PRP4K: variants seen among roughly 807,000 people sequenced by gnomAD.
PRP4K encodes pre-mRNA processing factor kinase PRP4K.
chr6:4,053,523 C>T, the PRP4K span, among the ~76,000 whole-genome samples: 1 of 150,316 alleles, frequency 6.7e-6, no homozygotes, highest in East Asian at 2.0e-4. Context: ...CCTTTTGAAA[C>T]CTTAATTCTC....
At chr6:4,049,117 A>G in the PRP4K span, 21 of 1,592,090 alleles carry the variant, frequency 1.3e-5, no homozygotes, top group Non-Finnish European at 1.7e-5. Context: ...GTAAGTTCAC[A>G]TTTTATATTA....
At chr6:4,057,695 T>C in the PRP4K span, among the ~76,000 whole-genome samples, 2 of 152,108 alleles carry the variant, frequency 1.3e-5, no homozygotes, top group Non-Finnish European at 2.9e-5. Context: ...TAGTTTCTGT[T>C]TAACATGAAG....
chr6:4,036,842 A>G, the PRP4K span, among the ~76,000 whole-genome samples: 1 of 151,870 alleles, frequency 6.6e-6, no homozygotes, highest in Non-Finnish European at 1.5e-5. Flanking sequence ...AATATTAGTC[A>G]GGTGTGGTGG....
the PRP4K span, chr6:4,063,182 T>G: frequency 2.0e-5 from 3 of 152,200 alleles, no homozygotes; most frequent in African/African-American, 7.2e-5. Flanking sequence ...TCTAATTTTT[T>G]AGTTTTCAGC....
chr6:4,024,752 A>G, the PRP4K span, among the ~76,000 whole-genome samples: 1 of 152,008 alleles, frequency 6.6e-6, no homozygotes, highest in African/African-American at 2.4e-5. Context: ...ACAGGCACGC[A>G]CCACCATGCC....
chr6:4,049,455 A>T, the PRP4K span: 7 of 481,104 alleles, frequency 1.5e-5, no homozygotes, highest in Non-Finnish European at 2.2e-5. Context: ...GTCATGCGGT[A>T]TTTGTCATGC....
chr6:4,059,433 T>C, the PRP4K span, among the ~76,000 whole-genome samples: 2 of 152,226 alleles, frequency 1.3e-5, no homozygotes, highest in East Asian at 1.9e-4. Context: ...ATGAGCCTTT[T>C]GAAAACTCCC....
At chr6:4,057,148 G>A in the PRP4K span, 1 of 1,613,122 alleles carries the variant, frequency 6.2e-7, no homozygotes, top group Non-Finnish European at 8.5e-7. Flanking sequence ...ACCATATGCT[G>A]AAGCTTGCAA....
At chr6:4,064,611 T>C in the PRP4K span, 1 of 152,460 alleles carries the variant, frequency 6.6e-6, no homozygotes, top group African/African-American at 2.4e-5. Flanking sequence ...AGTATCCTAG[T>C]TCCAGCATAT....
At chr6:4,042,432 T>A in the PRP4K span, 2 of 1,339,840 alleles carry the variant, frequency 1.5e-6, no homozygotes, top group Non-Finnish European at 2.1e-6. Context: ...AACTTTAAAA[T>A]GTATAAGGGG....
the PRP4K span, among the ~76,000 whole-genome samples, chr6:4,052,383 A>G: frequency 1.3e-5 from 2 of 152,142 alleles, no homozygotes; most frequent in Non-Finnish European, 2.9e-5. Flanking sequence ...TTAAAATGAA[A>G]TACTTCAAGG....
chr6:4,031,519 TA>T, the PRP4K span: 1 of 1,355,248 alleles, frequency 7.4e-7, no homozygotes, highest in Non-Finnish European at 1.0e-6. Context: ...GAATACTTGA[TA>T]AATGATATGA....
chr6:4,057,757 T>C, the PRP4K span, among the ~76,000 whole-genome samples: 2 of 144,374 alleles, frequency 1.4e-5, no homozygotes, highest in African/African-American at 5.1e-5. Context: ...TTAGCTTTTT[T>C]TTTTTTTTTT....
chr6:4,021,331 A>T, the PRP4K span: 3 of 1,520,726 alleles, frequency 2.0e-6, no homozygotes, highest in South Asian at 1.2e-5. Flanking sequence ...CGGTCGGCAC[A>T]TGCGCGGCAG....
the PRP4K span, chr6:4,032,607 A>G: frequency 1.2e-6 from 2 of 1,614,094 alleles, no homozygotes; most frequent in Non-Finnish European, 1.7e-6. Flanking sequence ...TGATAAATCA[A>G]GAAGAAGCAG....
the PRP4K span, chr6:4,037,307 G>A: frequency 1.2e-4 from 149 of 1,201,882 alleles, 2 homozygotes; most frequent in East Asian, 3.9e-3. Context: ...TTAGGCTAAT[G>A]TGCCTTTTCT....
At chr6:4,035,863 G>A in the PRP4K span, among the ~76,000 whole-genome samples, 1 of 152,040 alleles carries the variant, frequency 6.6e-6, no homozygotes, top group African/African-American at 2.4e-5. Context: ...GCTACTCAAG[G>A]CTGAGGCGGG....
the PRP4K span, chr6:4,052,209 A>C: frequency 8.3e-7 from 1 of 1,198,716 alleles, no homozygotes; most frequent in Non-Finnish European, 1.1e-6. Context: ...TTTTATCCAC[A>C]CAGCTCTGGT....
chr6:4,036,084 T>C, the PRP4K span, among the ~76,000 whole-genome samples: 1 of 152,158 alleles, frequency 6.6e-6, no homozygotes, highest in African/African-American at 2.4e-5. Context: ...TGGAATAACA[T>C]TAAGAAATGT....
Sources: gnomAD v4.1 joint callset for allele counts (sites outside exome capture counted in the v4.1 genomes callset) on GRCh38, gnomAD v4.1.1 for gene constraint, MANE v1.5 for transcripts, NCBI Gene and HGNC (gene_info 2026-07-23, HGNC 2026-07-21) for gene names.